Variants in GAN observed in about 807,000 individuals in gnomAD.
GAN encodes gigaxonin, also known as epididymis secretory sperm binding protein.
Under a neutral mutation model 71.3 loss-of-function variants are expected in GAN, and 48 were observed. That is an observed-to-expected ratio of 0.67 (90% confidence interval 0.53 to 0.86). The LOEUF is 0.86. Ranked by LOEUF, GAN falls within the 40% of genes least tolerant of loss-of-function variation. The pLI is 0.00. For synonymous variants in GAN, 386 were observed against 276.8 expected (o/e 1.39, Z -3.92); for missense variants, 928 against 770.1 (o/e 1.21, Z -2.43).
rs1435035575 is a variant in GAN, at chr16:81,365,396, G to C, written c.1420G>C (p.Gly474Arg). The change falls in exon 9 of 11, where the codon GGG becomes CGG. Residue 474 changes from glycine to arginine, a missense_variant. Transcript: ENST00000648994. ...CGVAMELYVFGGVRSREDAQG... is the reference protein window; with the variant it reads ...CGVAMELYVFRGVRSREDAQG... Reference sequence around the variant, plus strand: ...AGTTGCTATGGAGCTGTATGTGTTTGGGGGAGTCCGAAGTCGTGAGGACGC... The same window carrying C: ...AGTTGCTATGGAGCTGTATGTGTTTCGGGGAGTCCGAAGTCGTGAGGACGC... 6.2e-7 allele frequency: 1 copy of C among 1,613,724 alleles called. No individual in the cohort carries two copies. The highest frequency in any genetic ancestry group is 8.5e-7 in the Non-Finnish European group (1 of 1,179,886).
intron 4 of GAN, 101 bp downstream of exon 4, chr16:81,357,103 A>C (rs907586386): frequency 3.5e-6 from 3 of 847,112 alleles, no homozygotes; most frequent in Non-Finnish European, 6.1e-6. Flanking sequence ...AAACATAATT[A>C]CATTTGATTT....
intron 7 of GAN, among the ~76,000 whole-genome samples, chr16:81,364,595 G>A (rs758020188): frequency 7.9e-5 from 12 of 152,140 alleles, no homozygotes; most frequent in African/African-American, 1.2e-4. Flanking sequence ...AGGCTGAGGC[G>A]GAAGGATCTG....
In GAN at chr16:81,362,623, G is replaced by A. The variant is rs1297904967; in HGVS notation, c.1086+12G>A. On this transcript the variant is annotated intron_variant, in intron 6 of 10. Transcript: ENST00000648994. ...CACCTATGAACGAGGTAAAACACTA[G>A]TTGGTTGGTTTGTTTGATGTGTTTC... The A allele has an allele frequency of 7.8e-7, 1 of 1,285,970 alleles. No homozygotes were observed. The highest frequency in any genetic ancestry group is 1.1e-6 in the Non-Finnish European group (1 of 880,156). The allele number at this position is 1,285,970 out of a possible 1,614,324, so 79.7% of individuals were successfully genotyped here.
At position 81,389,175 on chromosome 16, in the gene GAN, A is replaced by G. The variant is rs915014541; in HGVS notation, c.*11579A>G. 1 of 152,234 alleles carries G rather than the reference A, an allele frequency of 6.6e-6. No homozygotes were observed. Among genetic ancestry groups the G allele is most frequent in the African/African-American group, 2.4e-5 (1 of 41,454 alleles). The allele number at this position is 152,234 out of a possible 1,614,324, so 9.4% of individuals were successfully genotyped here. On this transcript the variant is annotated 3_prime_UTR_variant, in exon 11 of 11. Transcript: ENST00000648994. The stretch of plus-strand genomic sequence containing the variant: ...GAAATGTATCAAGTGACCTTCAGTT[A>G]AGAAAAGCACAGGCTGTTTATTAGC...
rs772409946 is a variant in GAN, at chr16:81,354,761, T to A, written c.633+6T>A. On this transcript the variant is annotated splice_donor_region_variant and intron_variant, in intron 3 of 10. Transcript: ENST00000648994. Reference sequence around the variant, plus strand: ...ATGATACAGAAATAAGAAAGGTACCTGTCATTTATAACATGGTCAAATTTG... The same window carrying A: ...ATGATACAGAAATAAGAAAGGTACCAGTCATTTATAACATGGTCAAATTTG... 3 of 1,432,656 alleles carry A rather than the reference T, an allele frequency of 2.1e-6. No individual in the cohort carries two copies. The highest frequency in any genetic ancestry group is 3.3e-5 in the Admixed American group (2 of 59,776). 88.7% of individuals were successfully genotyped at this position (1,432,656 alleles called of 1,614,324 possible).
chr16:81,378,464 G>A lies in GAN; in HGVS notation c.*868G>A, dbSNP rs1033496620. 1 of 152,104 alleles carries A rather than the reference G, an allele frequency of 6.6e-6. No homozygotes were observed. Among genetic ancestry groups the A allele is most frequent in the African/African-American group, 2.4e-5 (1 of 41,426 alleles). 9.4% of individuals were successfully genotyped at this position (152,104 alleles called of 1,614,324 possible). ...GAGATTTTATAAAAGAAAGACCTGAGTCAGACAAATAATAAAGGTCTGCTG... is the reference window on the plus strand; with the variant it reads ...GAGATTTTATAAAAGAAAGACCTGAATCAGACAAATAATAAAGGTCTGCTG... On this transcript the variant is annotated 3_prime_UTR_variant, in exon 11 of 11. Transcript: ENST00000648994.
intron 5 of GAN, among the ~76,000 whole-genome samples, chr16:81,358,881 C>T (rs573202316): frequency 2.8e-4 from 42 of 152,340 alleles, no homozygotes; most frequent in African/African-American, 9.6e-4. Context: ...TTGTGGTCAG[C>T]AGCCCTCCTG....
In GAN at chr16:81,380,713, G is replaced by T. The variant is rs574095593; in HGVS notation, c.*3117G>T. 2.0e-5 allele frequency: 3 copies of T among 152,114 alleles called. No homozygotes were observed. Among genetic ancestry groups the T allele is most frequent in the Non-Finnish European group, 4.4e-5 (3 of 68,012 alleles). The allele number at this position is 152,114 out of a possible 1,614,324, so 9.4% of individuals were successfully genotyped here. ...GACCTTCAGTTTATACTACTGTGTC[G>T]AACTCATATTGAGTGTAAATATTGA... On this transcript the variant is annotated 3_prime_UTR_variant, in exon 11 of 11. Coordinates refer to ENST00000648994, the MANE Select transcript of GAN (RefSeq NM_022041.4).
At chr16:81,376,348 C>G (rs1204424240) in intron 9 of GAN, among the ~76,000 whole-genome samples, 1 of 152,052 alleles carries the variant, frequency 6.6e-6, no homozygotes, top group Non-Finnish European at 1.5e-5. Flanking sequence ...GGGCTGGACT[C>G]TGTGGCTTAC....
chr16:81,353,147 C>T (rs1055249167), intron 2 of GAN, among the ~76,000 whole-genome samples: 6 of 151,926 alleles, frequency 3.9e-5, no homozygotes, highest in Admixed American at 6.5e-5. Context: ...AAAAATTAGC[C>T]GGGCGAGGTG....
At position 81,362,598 on chromosome 16, in the gene GAN, C is replaced by G; in HGVS notation, c.1073C>G (p.Pro358Arg). ...GATGCAAATACATGGACAGCATTGC[C>G]ACCTATGAACGAGGTAAAACACTAG... ...DPDANTWTAL[P>R]PMNEARHNFG... Residue 358 changes from proline (P) to arginine (R), a missense_variant, in exon 6 of 11, where the codon CCA (proline) becomes CGA (arginine). By Grantham distance (103) the Pro-to-Arg change is moderately radical. Coordinates refer to ENST00000648994, the MANE Select transcript of GAN (RefSeq NM_022041.4). 3.3e-6 allele frequency: 5 copies of G among 1,524,600 alleles called. No homozygotes were observed. Among genetic ancestry groups the G allele is most frequent in the Non-Finnish European group, 4.6e-6 (5 of 1,098,214 alleles). 94.4% of individuals were successfully genotyped at this position (1,524,600 alleles called of 1,614,324 possible).
chr16:81,342,970 C>T (rs1183418476), intron 1 of GAN, among the ~76,000 whole-genome samples: 1 of 152,146 alleles, frequency 6.6e-6, no homozygotes, highest in African/African-American at 2.4e-5. Flanking sequence ...CAAAGAAATA[C>T]AAACTACCTT....
rs961388358 is a variant in GAN, at chr16:81,365,065, C to A, written c.1328C>A (p.Pro443His). 3 of 1,613,712 alleles carry A rather than the reference C, an allele frequency of 1.9e-6. No individual in the cohort carries two copies. The highest frequency in any genetic ancestry group is 2.5e-6 in the Non-Finnish European group (3 of 1,179,802). The change falls in exon 8 of 11, where the codon CCC (proline) becomes CAC (histidine). Residue 443 changes from proline (P) to histidine (H), a missense_variant. Pro to His is a moderately conservative substitution (Grantham distance 77, BLOSUM62 -2). Coordinates refer to ENST00000648994, the MANE Select transcript of GAN (RefSeq NM_022041.4). ...TTTGAGTCTGTAGAGTGTTATGATC[C>A]CAGGACCCAGCAGTGGACTGCCATA... The part of the protein sequence containing the change: ...KLFESVECYD[P>H]RTQQWTAICP...
intron 9 of GAN, 61 bp downstream of exon 9, chr16:81,365,539 T>A: frequency 6.6e-7 from 1 of 1,519,890 alleles, no homozygotes; most frequent in Non-Finnish European, 9.1e-7. Context: ...CAGTCGTATT[T>A]TAGCTTTGTT....
intron 1 of GAN, among the ~76,000 whole-genome samples, chr16:81,335,760 A>AG (rs1464977555): frequency 6.6e-6 from 1 of 151,898 alleles, no homozygotes; most frequent in African/African-American, 2.4e-5. Flanking sequence ...AAAAAAAAAA[A>AG]AAAAAATCCA....
chr16:81,323,554 A>G (rs1909285463), intron 1 of GAN, among the ~76,000 whole-genome samples: 1 of 152,266 alleles, frequency 6.6e-6, no homozygotes, highest in African/African-American at 2.4e-5. Context: ...TTCAAGAATT[A>G]GCATTGTCTA....
At chr16:81,331,757 A>T (rs944717497) in intron 1 of GAN, among the ~76,000 whole-genome samples, 1 of 152,228 alleles carries the variant, frequency 6.6e-6, no homozygotes, top group African/African-American at 2.4e-5. Flanking sequence ...AAATCTCTAA[A>T]TTTAAAACGG....
At chr16:81,336,205 C>T (rs1909755647) in intron 1 of GAN, among the ~76,000 whole-genome samples, 1 of 152,208 alleles carries the variant, frequency 6.6e-6, no homozygotes, top group African/African-American at 2.4e-5. Context: ...CCACTACCTG[C>T]TGAGGAGCTT....
chr16:81,315,191 G>A lies in GAN; in HGVS notation c.78G>A (p.Glu26=). The A allele has an allele frequency of 6.3e-7, 1 of 1,576,688 alleles. No individual in the cohort carries two copies. Among genetic ancestry groups the A allele is most frequent in the Non-Finnish European group, 8.6e-7 (1 of 1,163,846 alleles). ...GAGCGCTCAGCTCTTTCCGCGAGGA[G>A]TCTCGCTTCTGCGACGCGCACCTGG... ...LLRALSSFRE[E]SRFCDAHLVL... Residue 26 remains glutamate (E), a synonymous_variant, in exon 1 of 11, where the codon GAG becomes GAA. Coordinates refer to ENST00000648994, the MANE Select transcript of GAN (RefSeq NM_022041.4).
Sources: gnomAD v4.1 joint callset for allele counts (sites outside exome capture counted in the v4.1 genomes callset) on GRCh38, gnomAD v4.1.1 for gene constraint, MANE v1.5 for transcripts, NCBI Gene and HGNC (gene_info 2026-07-23, HGNC 2026-07-21) for gene names.